The following NAALADL2 variants were observed in gnomAD, a reference collection of about 807,000 sequenced individuals.
NAALADL2 encodes the protein N-acetylated alpha-linked acidic dipeptidase like 2.
NAALADL2 carries 76 observed loss-of-function variants against 87.2 expected under a neutral mutation model. That is an observed-to-expected ratio of 0.87 (90% confidence interval 0.72 to 1.05). The LOEUF is 1.05. NAALADL2 is among the 50% of genes least tolerant of loss of function. The pLI is 0.00. For missense variants in NAALADL2, 1,089 were observed against 945.8 expected, an observed-to-expected ratio of 1.15 and a Z score of -1.99; for synonymous variants, 354 against 331.0, an observed-to-expected ratio of 1.07 and a Z score of -0.75.
At chr3:175,614,039 G>A (rs928055843) in intron 10 of NAALADL2, among the ~76,000 whole-genome samples, 2 of 152,026 alleles carry the variant, frequency 1.3e-5, no homozygotes, top group Admixed American at 1.3e-4. Context: ...CACAAAGTAG[G>A]CATGCCAGAA....
At chr3:175,089,781 C>T (rs1196863739) in intron 1 of NAALADL2, among the ~76,000 whole-genome samples, 1 of 152,126 alleles carries the variant, frequency 6.6e-6, no homozygotes, top group Admixed American at 6.6e-5. Context: ...AAAACAAACC[C>T]TTCAGCTAAG....
At chr3:174,918,879 C>T (rs1171610566) in intron 1 of NAALADL2, among the ~76,000 whole-genome samples, 1 of 151,714 alleles carries the variant, frequency 6.6e-6, no homozygotes, top group Non-Finnish European at 1.5e-5. Context: ...TATAATACAC[C>T]ACAGACCCTA....
At chr3:174,625,194 G>A (rs960739973) in intron 2 of NAALADL2, among the ~76,000 whole-genome samples, 3 of 151,264 alleles carry the variant, frequency 2.0e-5, no homozygotes, top group Non-Finnish European at 4.4e-5. Flanking sequence ...AGGTAACTGG[G>A]ACTATGGGCA....
chr3:174,882,925 A>G (rs558540155), intron 1 of NAALADL2, among the ~76,000 whole-genome samples: 1 of 150,966 alleles, frequency 6.6e-6, no homozygotes, highest in Admixed American at 6.6e-5. Context: ...TTGTATATAT[A>G]TGTATATATA....
At chr3:174,593,638 T>C (rs769121121) in intron 2 of NAALADL2, among the ~76,000 whole-genome samples, 1 of 152,218 alleles carries the variant, frequency 6.6e-6, no homozygotes, top group Non-Finnish European at 1.5e-5. Context: ...CCACATACTT[T>C]ACTCTCAGAT....
intron 11 of NAALADL2, among the ~76,000 whole-genome samples, chr3:175,694,700 C>T (rs758671313): frequency 2.6e-5 from 4 of 151,930 alleles, no homozygotes; most frequent in African/African-American, 4.8e-5. Context: ...ATGAGATGTC[C>T]GTAGAAAAAC....
chr3:175,786,013 A>C (rs1751893118), intron 13 of NAALADL2, among the ~76,000 whole-genome samples: 2 of 152,196 alleles, frequency 1.3e-5, no homozygotes, highest in Admixed American at 6.5e-5. Context: ...TCTTTTAAGA[A>C]TGTTGAATAT....
chr3:174,951,245 T>C (rs1308258754), intron 1 of NAALADL2, among the ~76,000 whole-genome samples: 2 of 152,066 alleles, frequency 1.3e-5, no homozygotes, highest in Admixed American at 6.6e-5. Context: ...AATACCTTCA[T>C]GAGTCATGTT....
intron 2 of NAALADL2, among the ~76,000 whole-genome samples, chr3:175,203,099 G>C (rs1475688040): frequency 6.6e-6 from 1 of 152,066 alleles, no homozygotes; most frequent in Non-Finnish European, 1.5e-5. Flanking sequence ...CACACCTATG[G>C]AGTCTGCACA....
intron 2 of NAALADL2, among the ~76,000 whole-genome samples, chr3:175,206,309 TATACAC>T (rs1740892917): frequency 7.4e-6 from 1 of 134,410 alleles, no homozygotes; most frequent in African/African-American, 3.1e-5. Context: ...TATATATATA[TATACAC>T]ATACATACAC....
intron 2 of NAALADL2, among the ~76,000 whole-genome samples, chr3:175,121,401 G>A (rs1038976281): frequency 6.6e-6 from 1 of 151,858 alleles, no homozygotes; most frequent in East Asian, 1.9e-4. Flanking sequence ...TTCACAACCA[G>A]AGCATGGGGC....
At chr3:174,558,931 A>G (rs1348364047) in intron 2 of NAALADL2, among the ~76,000 whole-genome samples, 1 of 152,166 alleles carries the variant, frequency 6.6e-6, no homozygotes, top group African/African-American at 2.4e-5. Flanking sequence ...ACATGAAAAT[A>G]TGACATAAAA....
chr3:174,501,900 A>T (rs974689740), intron 1 of NAALADL2, among the ~76,000 whole-genome samples: 9 of 151,882 alleles, frequency 5.9e-5, no homozygotes, highest in Admixed American at 5.2e-4. Context: ...TGTTTCATTA[A>T]TTTTTAATAT....
intron 5 of NAALADL2, among the ~76,000 whole-genome samples, chr3:175,343,100 C>A (rs1560397269): frequency 6.6e-6 from 1 of 151,774 alleles, no homozygotes; most frequent in Non-Finnish European, 1.5e-5. Context: ...TAGTCTCATG[C>A]CAAATAACTT....
At chr3:174,933,601 G>T (rs540389359) in intron 1 of NAALADL2, among the ~76,000 whole-genome samples, 1 of 152,198 alleles carries the variant, frequency 6.6e-6, no homozygotes, top group East Asian at 1.9e-4. Context: ...TTAAGATTTA[G>T]CAGTAAATAA....
chr3:174,967,659 T>C (rs777398501), intron 1 of NAALADL2, among the ~76,000 whole-genome samples: 6 of 152,250 alleles, frequency 3.9e-5, no homozygotes, highest in Admixed American at 6.5e-5. Context: ...TGAGAGGCTG[T>C]GTAAAGAGAG....
intron 4 of NAALADL2, among the ~76,000 whole-genome samples, chr3:175,281,026 T>C (rs1056421111): frequency 1.3e-5 from 2 of 151,898 alleles, no homozygotes; most frequent in Admixed American, 1.3e-4. Flanking sequence ...CCCCAGGTCA[T>C]TGATGTGTAC....
At chr3:175,770,917 G>T (rs550702141) in intron 13 of NAALADL2, among the ~76,000 whole-genome samples, 10 of 152,222 alleles carry the variant, frequency 6.6e-5, no homozygotes, top group African/African-American at 2.2e-4. Flanking sequence ...TCTTAACCAT[G>T]AAATTAAATA....
intron 3 of NAALADL2, among the ~76,000 whole-genome samples, chr3:174,782,801 GTCAC>G (rs1438280782): frequency 1.3e-5 from 2 of 152,040 alleles, no homozygotes; most frequent in Non-Finnish European, 2.9e-5. Context: ...CTTGTGAGAA[GTCAC>G]TCACTATCAC....
Sources: allele counts gnomAD v4.1 joint callset (sites outside exome capture counted in the v4.1 genomes callset), GRCh38; gene constraint gnomAD v4.1.1; transcripts MANE v1.5; gene names NCBI Gene and HGNC (gene_info 2026-07-23, HGNC 2026-07-21).